Variants in RXRA observed in about 807,000 individuals in gnomAD.
RXRA encodes the protein retinoic acid receptor RXR-alpha.
Under a neutral mutation model 44.5 loss-of-function variants are expected in RXRA, and 5 were observed. The ratio of observed to expected loss-of-function variants is 0.11; its 90% confidence interval spans 0.06 to 0.24. RXRA has a LOEUF of 0.24. Ranked by LOEUF, RXRA falls within the 10% of genes least tolerant of loss-of-function variation. The probability of loss-of-function intolerance (pLI) is 1.00; values close to 1 mark genes in which losing one functional copy is unlikely to be tolerated. For synonymous variants in RXRA, 291 were observed against 271.4 expected (o/e 1.07, Z -0.71); for missense variants, 412 against 646.5 (o/e 0.64, Z 3.93).
At position 134,336,175 on chromosome 9, in the gene RXRA, C is replaced by T. The variant is rs538569237; in HGVS notation, c.28+9516C>T. On this transcript the variant is annotated intron_variant, in intron 1 of 9. Coordinates refer to ENST00000481739, the MANE Select transcript of RXRA (RefSeq NM_002957.6). Reference sequence around the variant, plus strand: ...GCAAGGCGGGCCTGGCAGGCAGCACCACCGCACCATCCCGGGCCCAGTGGA... The same window carrying T: ...GCAAGGCGGGCCTGGCAGGCAGCACTACCGCACCATCCCGGGCCCAGTGGA... 2.0e-5 allele frequency among the ~76,000 whole-genome samples: 3 copies of T among 152,294 alleles called. No homozygotes were observed. The East Asian group carries it at 5.8e-4, about 29-fold the overall frequency.
At chr9:134,408,885 G>A in intron 3 of RXRA, 55 bp from the exon 4 acceptor site, 3 of 1,430,002 alleles carry the variant, frequency 2.1e-6, no homozygotes, top group Middle Eastern at 2.5e-4. Context: ...ATGGGGGGTG[G>A]GCTCCCTGCC....
At chr9:134,406,552 G>T (rs1192207792) in intron 2 of RXRA, among the ~76,000 whole-genome samples, 1 of 152,184 alleles carries the variant, frequency 6.6e-6, no homozygotes. Context: ...TCCGCCTCTG[G>T]GGCCTCCAGT....
At position 134,421,879 on chromosome 9, in the gene RXRA, G is replaced by A. The variant is rs34689701; in HGVS notation, c.910+74G>A. On this transcript the variant is annotated intron_variant, in intron 6 of 9. Transcript: ENST00000481739. ...ACGTACCAGGACACTCCCCCCTCCC[G>A]GGATACTCCGCACTCCCGGGACACT... The A allele has an allele frequency of 2.5e-3, 3,985 of 1,568,942 alleles. 82 individuals carry two copies. The African/African-American group carries it at 0.046, about 18-fold the overall frequency.
At chr9:134,396,159 A>G (rs1830875549) in intron 1 of RXRA, among the ~76,000 whole-genome samples, 1 of 152,110 alleles carries the variant, frequency 6.6e-6, no homozygotes, top group African/African-American at 2.4e-5. Flanking sequence ...TCCGTCAGGG[A>G]GTGGTGGGTC....
chr9:134,419,784 T>C (rs1223758365), intron 5 of RXRA, among the ~76,000 whole-genome samples: 1 of 152,124 alleles, frequency 6.6e-6, no homozygotes, highest in African/African-American at 2.4e-5. Context: ...TCCTGCACTA[T>C]CCCTCCCTAC....
chr9:134,421,906 C>T (rs767857302), intron 6 of RXRA, 101 bp downstream of exon 6: 215 of 1,537,272 alleles, frequency 1.4e-4, no homozygotes, highest in Non-Finnish European at 1.8e-4. Context: ...CGGGACACTC[C>T]CCTGTCCTGG....
intron 1 of RXRA, among the ~76,000 whole-genome samples, chr9:134,355,951 G>T (rs1830278328): frequency 6.6e-6 from 1 of 152,100 alleles, no homozygotes; most frequent in Non-Finnish European, 1.5e-5. Context: ...GGGGAGGGCA[G>T]CTGAGGGGGT....
At chr9:134,421,630 A>T in intron 5 of RXRA, 46 bp from the exon 6 acceptor site, 1 of 1,541,098 alleles carries the variant, frequency 6.5e-7, no homozygotes, top group East Asian at 2.3e-5. Flanking sequence ...TGGTCAGTAC[A>T]CTGGCTTCTG....
chr9:134,348,000 G>C (rs1830175168), intron 1 of RXRA, among the ~76,000 whole-genome samples: 1 of 152,156 alleles, frequency 6.6e-6, no homozygotes, highest in East Asian at 1.9e-4. Context: ...AGGTGGTCAT[G>C]GCCATGGCTG....
intron 1 of RXRA, among the ~76,000 whole-genome samples, chr9:134,362,138 C>T (rs577749105): frequency 6.4e-4 from 97 of 152,252 alleles, no homozygotes; most frequent in Admixed American, 1.6e-3. Context: ...GCCTTCTGTG[C>T]GGGTTGGGAG....
rs1349011149 is a variant in RXRA, at chr9:134,407,294, A to G, written c.280-855A>G. On this transcript the variant is annotated intron_variant, in intron 2 of 9. Transcript: ENST00000481739. This position sits in a 1 kb window ranked among gnomAD's most constrained non-coding sequence, Gnocchi z 4.8. Reference sequence around the variant, plus strand: ...GGAAGGAGGGGAGCTTCCTGCGCACAAGCGGCGGCAGGGGTTTGCAGAAGT... The same window carrying G: ...GGAAGGAGGGGAGCTTCCTGCGCACGAGCGGCGGCAGGGGTTTGCAGAAGT... Among the ~76,000 whole-genome samples the G allele has an allele frequency of 1.3e-5, 2 of 152,204 alleles. No homozygotes were observed. The highest frequency in any genetic ancestry group is 2.9e-5 in the Non-Finnish European group (2 of 68,030).
chr9:134,436,436 G>T (rs1479780259), intron 9 of RXRA, 31 bp from the exon 10 acceptor site: 1 of 1,610,740 alleles, frequency 6.2e-7, no homozygotes, highest in Non-Finnish European at 8.5e-7. Flanking sequence ...CATGCCCCTT[G>T]CCCGGCCCTC....
Position 134,426,103 on chromosome 9 carries a change from G to A in RXRA, c.911-3005G>A. ...GGAGTAAGTTCCTTGGGAAGGGCCA[G>A]CCTCTTGAGTTGGAGGACATAGTGA... is the stretch of plus-strand genomic sequence containing the variant. On this transcript the variant is annotated intron_variant, in intron 6 of 9. Transcript: ENST00000481739. This position sits in a 1 kb window ranked among gnomAD's most constrained non-coding sequence, Gnocchi z 4.6. 1 of 985,432 alleles carries A rather than the reference G, an allele frequency of 1.0e-6. No individual in the cohort carries two copies. Among genetic ancestry groups the A allele is most frequent in the African/African-American group, 1.7e-5 (1 of 57,346 alleles). The allele number at this position is 985,432 out of a possible 1,614,324, so 61.0% of individuals were successfully genotyped here. A position where few individuals can be genotyped will look rare whatever the true frequency, so the allele number is the denominator to read the frequency against.
chr9:134,365,296 C>A lies in RXRA; in HGVS notation c.29-36336C>A, dbSNP rs1490669283. Among the ~76,000 whole-genome samples the A allele has an allele frequency of 1.3e-5, 2 of 152,208 alleles. No homozygotes were observed. The highest frequency in any genetic ancestry group is 2.9e-5 in the Non-Finnish European group (2 of 68,046). On this transcript the variant is annotated intron_variant, in intron 1 of 9. Coordinates refer to ENST00000481739, the MANE Select transcript of RXRA (RefSeq NM_002957.6). The surrounding 1 kb of genome is among the most constrained non-coding windows in gnomAD (Gnocchi z 4.0). ...GCCTGCAGGCGCTCGAGCTGAAAGC[C>A]CTCGCCCCTCGTGGTGGGGCAGCGC...
chr9:134,428,388 G>A (rs2119202203), intron 6 of RXRA, among the ~76,000 whole-genome samples: 1 of 130,644 alleles, frequency 7.7e-6, no homozygotes, highest in South Asian at 2.6e-4. Context: ...CCCCCACTAT[G>A]TTGAGAGGCT....
At chr9:134,379,151 C>T (rs1830601975) in intron 1 of RXRA, 6 of 565,436 alleles carry the variant, frequency 1.1e-5, no homozygotes, top group Non-Finnish European at 1.3e-5. Context: ...CCCACCACAC[C>T]TCCTCTGCAC....
chr9:134,349,568 C>T lies in RXRA; in HGVS notation c.28+22909C>T, dbSNP rs141562549. Among the ~76,000 whole-genome samples, 487 of 152,200 alleles carry T rather than the reference C, an allele frequency of 3.2e-3. 5 individuals are homozygous for T. Among genetic ancestry groups the T allele is most frequent in the African/African-American group, 0.011 (451 of 41,504 alleles). On this transcript the variant is annotated intron_variant, in intron 1 of 9. Coordinates refer to ENST00000481739, the MANE Select transcript of RXRA (RefSeq NM_002957.6). The surrounding 1 kb of genome is among the most constrained non-coding windows in gnomAD (Gnocchi z 4.3). ...CACGGACAGGGACCCAGCAACTTGG[C>T]GAGCATGGGCCAGACAGGGGCAGGG...
chr9:134,363,409 A>G, intron 1 of RXRA, among the ~76,000 whole-genome samples: 1 of 152,186 alleles, frequency 6.6e-6, no homozygotes, highest in African/African-American at 2.4e-5. Context: ...GGAGTCAGCT[A>G]ATTTCATACC....
At chr9:134,394,718 C>T (rs1288927306) in intron 1 of RXRA, among the ~76,000 whole-genome samples, 1 of 152,196 alleles carries the variant, frequency 6.6e-6, no homozygotes, top group East Asian at 1.9e-4. Context: ...TGACATCACG[C>T]CCCCTCACTA....
Sources: allele counts gnomAD v4.1 joint callset (sites outside exome capture counted in the v4.1 genomes callset), GRCh38; gene constraint gnomAD v4.1.1; non-coding constraint Gnocchi (gnomAD v3.1); transcripts MANE v1.5; gene names NCBI Gene and HGNC (gene_info 2026-07-23, HGNC 2026-07-21).